The following SLC35F1 variants were observed in gnomAD, a reference collection of about 807,000 sequenced individuals.
The protein encoded by SLC35F1 is chromosome 6 open reading frame 169.
Under a neutral mutation model 48.7 loss-of-function variants are expected in SLC35F1, and 14 were observed. The ratio of observed to expected loss-of-function variants is 0.29; its 90% CI spans 0.19 to 0.45. The LOEUF (loss-of-function observed/expected upper bound fraction) is 0.45, where lower values mean the gene tolerates loss of function less well. SLC35F1 is among the 20% of genes least tolerant of loss of function. The pLI, the probability that SLC35F1 is intolerant of heterozygous loss-of-function variation, is 1.00. For synonymous variants in SLC35F1, 190 were observed against 202.2 expected (o/e 0.94, Z 0.51); for missense variants, 404 against 500.0 (o/e 0.81, Z 1.83).
chr6:118,075,543 A>G (rs1035271150), intron 1 of SLC35F1, among the ~76,000 whole-genome samples: 16 of 152,240 alleles, frequency 1.1e-4, no homozygotes, highest in African/African-American at 3.9e-4. Flanking sequence ...ATACACAAAC[A>G]GCAGTAAAGC....
intron 1 of SLC35F1, among the ~76,000 whole-genome samples, chr6:117,919,389 A>G (rs1465245136): frequency 2.0e-5 from 3 of 152,228 alleles, no homozygotes; most frequent in Non-Finnish European, 2.9e-5. Context: ...GGAATTTTAC[A>G]TGCAATAACA....
chr6:118,219,435 C>A (rs1029259584), intron 2 of SLC35F1, among the ~76,000 whole-genome samples: 1 of 152,058 alleles, frequency 6.6e-6, no homozygotes, highest in African/African-American at 2.4e-5. Context: ...AAGAGAAATG[C>A]AAATCAAAAC....
At chr6:117,999,317 G>A (rs1777050777) in intron 1 of SLC35F1, 1 of 1,595,962 alleles carries the variant, frequency 6.3e-7, no homozygotes, top group Admixed American at 1.7e-5. Flanking sequence ...TATTGCCAAG[G>A]GGCTCAGGCT....
At chr6:118,239,686 A>G (rs1247044734) in intron 3 of SLC35F1, among the ~76,000 whole-genome samples, 4 of 152,134 alleles carry the variant, frequency 2.6e-5, no homozygotes, top group African/African-American at 9.7e-5. Context: ...CCATCCTGCC[A>G]TCTTTCTCAA....
chr6:118,045,757 G>A (rs1772290370), intron 1 of SLC35F1, among the ~76,000 whole-genome samples: 1 of 152,200 alleles, frequency 6.6e-6, no homozygotes, highest in African/African-American at 2.4e-5. Context: ...TGACGCTGAT[G>A]AAGTTATTAT....
chr6:118,266,397 A>G (rs1484617880), intron 3 of SLC35F1, among the ~76,000 whole-genome samples: 1 of 152,054 alleles, frequency 6.6e-6, no homozygotes, highest in Non-Finnish European at 1.5e-5. Context: ...TCTTTTAAGT[A>G]TTTCTACTTT....
intron 2 of SLC35F1, among the ~76,000 whole-genome samples, chr6:118,219,299 A>G (rs1775115420): frequency 6.6e-6 from 1 of 152,230 alleles, no homozygotes; most frequent in African/African-American, 2.4e-5. Context: ...TAAGCAGACA[A>G]TAATGTATGT....
At chr6:118,198,244 T>G (rs1774828100) in intron 2 of SLC35F1, among the ~76,000 whole-genome samples, 1 of 152,218 alleles carries the variant, frequency 6.6e-6, no homozygotes, top group African/African-American at 2.4e-5. Context: ...TTTGAACCAG[T>G]GAATTATGTC....
intron 1 of SLC35F1, among the ~76,000 whole-genome samples, chr6:118,066,858 C>T (rs1772623368): frequency 6.6e-6 from 1 of 150,422 alleles, no homozygotes; most frequent in Non-Finnish European, 1.5e-5. Context: ...TGAAACCCAA[C>T]CAAGCTATTC....
chr6:118,278,192 C>A (rs528481220), intron 6 of SLC35F1, among the ~76,000 whole-genome samples: 3 of 152,300 alleles, frequency 2.0e-5, no homozygotes, highest in African/African-American at 7.2e-5. Context: ...CTGTAATGAT[C>A]AATCTCAGCA....
chr6:118,126,607 T>C (rs4946325), intron 1 of SLC35F1, among the ~76,000 whole-genome samples: 150,805 of 150,818 alleles, frequency 1, 75,396 homozygotes, highest in Middle Eastern at 1. Flanking sequence ...TTCTTCCTAC[T>C]CATGAGCATG....
chr6:118,294,864 A>G (rs2114652348), intron 7 of SLC35F1, among the ~76,000 whole-genome samples: 1 of 152,158 alleles, frequency 6.6e-6, no homozygotes, highest in East Asian at 1.9e-4. Context: ...CCAAAAGTCA[A>G]CTCCAACTAT....
intron 2 of SLC35F1, among the ~76,000 whole-genome samples, chr6:118,217,780 T>C (rs1404519779): frequency 6.6e-6 from 1 of 152,220 alleles, no homozygotes; most frequent in African/African-American, 2.4e-5. Context: ...AAAAGTGTCA[T>C]TGCAACATGC....
chr6:118,267,978 C>A (rs141236991), intron 4 of SLC35F1, among the ~76,000 whole-genome samples: 1 of 151,962 alleles, frequency 6.6e-6, no homozygotes, highest in African/African-American at 2.4e-5. Context: ...TAGAAAGTAC[C>A]CACTTTTCTA....
rs1220566173 is a variant in SLC35F1, at chr6:118,059,277, T to TAACCCACTTC, written c.174-95166_174-95157dup. On this transcript the variant is annotated intron_variant, in intron 1 of 7. Coordinates refer to ENST00000360388, the MANE Select transcript of SLC35F1 (RefSeq NM_001029858.4). ...CTGTGTCAACTACAGCTTCCCACTG[T>TAACCCACTTC]AACCCACTTCATGCCTGGGTAGTAC... is the stretch of plus-strand genomic sequence containing the variant. Among the ~76,000 whole-genome samples, 6 of 152,212 alleles carry TAACCCACTTC rather than the reference T, an allele frequency of 3.9e-5. No homozygotes were observed. In the East Asian group the frequency reaches 1.2e-3, roughly 29 times the overall value.
At chr6:118,273,564 A>G (rs1444310283) in intron 4 of SLC35F1, among the ~76,000 whole-genome samples, 2 of 152,194 alleles carry the variant, frequency 1.3e-5, no homozygotes, top group African/African-American at 4.8e-5. Flanking sequence ...ATTCTATTTT[A>G]TGGGTCATTC....
chr6:118,294,414 G>A (rs1359589920), intron 7 of SLC35F1, among the ~76,000 whole-genome samples: 3 of 152,178 alleles, frequency 2.0e-5, no homozygotes, highest in African/African-American at 7.2e-5. Flanking sequence ...GCCATCGCGT[G>A]CTGAACATTC....
In SLC35F1 at chr6:118,235,626, C is replaced by A. The variant is rs1775354639; in HGVS notation, c.467C>A (p.Thr156Asn). The part of the protein sequence containing the change: ...VVKAYQYTTL[T>N]SIQLLDCFVI... ...AAGGCTTACCAATACACAACTCTGA[C>A]CAGTATCCAGGTACCCATGGTTCTT... Residue 156 changes from threonine to asparagine, a missense_variant, in exon 3 of 8, where the codon ACC becomes AAC. By Grantham distance (65) the Thr-to-Asn change is moderately conservative. This residue lies in a region of SLC35F1 where 306 missense variants were observed against 419.1 expected (regional missense o/e 0.73). Coordinates refer to ENST00000360388, the MANE Select transcript of SLC35F1 (RefSeq NM_001029858.4). The A allele has an allele frequency of 6.2e-7, 1 of 1,612,950 alleles. No individual in the cohort carries two copies. The highest frequency in any genetic ancestry group is 8.5e-7 in the Non-Finnish European group (1 of 1,179,416).
Position 118,242,062 on chromosome 6 carries a change from G to C in SLC35F1, c.477+6426G>C, listed in dbSNP as rs529599705. Among the ~76,000 whole-genome samples, 7 of 152,310 alleles carry C rather than the reference G, an allele frequency of 4.6e-5. No homozygotes were observed. The East Asian group carries it at 1.3e-3, about 29-fold the overall frequency. On this transcript the variant is annotated intron_variant, in intron 3 of 7. Coordinates refer to ENST00000360388, the MANE Select transcript of SLC35F1 (RefSeq NM_001029858.4). ...ATGTGCAGGTTTTTGTGTTAATAAA[G>C]TATTCATTTCTCTGGGATAAATGTG...
Sources: gnomAD v4.1 joint callset for allele counts (sites outside exome capture counted in the v4.1 genomes callset) on GRCh38, gnomAD v4.1.1 for gene constraint, gnomAD v4.1.1 regional missense constraint, MANE v1.5 for transcripts, NCBI Gene and HGNC (gene_info 2026-07-23, HGNC 2026-07-21) for gene names.